The following SYT1 variants were observed in gnomAD, a reference collection of about 807,000 sequenced individuals.
SYT1 encodes the protein synaptotagmin 1, also known as synaptotagmin-1.
A neutral mutation model predicts 44.8 loss-of-function variants in SYT1; 8 were observed. The observed-to-expected ratio is 0.18, with a 90% CI of 0.10 to 0.32. The LOEUF is 0.32. SYT1 is among the 10% of genes least tolerant of loss of function. The pLI is 1.00. For missense variants in SYT1, 286 were observed against 509.3 expected (o/e 0.56, Z 4.22); for synonymous variants, 154 against 188.8 (o/e 0.82, Z 1.51).
chr12:79,081,654 C>T (rs1303285292), intron 3 of SYT1, among the ~76,000 whole-genome samples: 2 of 152,136 alleles, frequency 1.3e-5, no homozygotes, highest in African/African-American at 4.8e-5. Flanking sequence ...GCTGGGCTTA[C>T]GGGTGTGAGC....
chr12:78,987,680 A>T (rs185744160), intron 2 of SYT1, among the ~76,000 whole-genome samples: 1 of 151,958 alleles, frequency 6.6e-6, no homozygotes, highest in Non-Finnish European at 1.5e-5. Flanking sequence ...TACATTAGGG[A>T]TATATAAAAA....
At chr12:79,270,702 G>C (rs1198989262) in intron 4 of SYT1, among the ~76,000 whole-genome samples, 2 of 152,144 alleles carry the variant, frequency 1.3e-5, no homozygotes, top group Non-Finnish European at 2.9e-5. Context: ...ATCTACCAAA[G>C]TTTTCCAGCC....
chr12:79,365,698 A>G (rs1253027085), intron 9 of SYT1, among the ~76,000 whole-genome samples: 2 of 152,140 alleles, frequency 1.3e-5, no homozygotes, highest in Non-Finnish European at 2.9e-5. Flanking sequence ...GCTGAGAAGT[A>G]AAATGTTACA....
intron 3 of SYT1, among the ~76,000 whole-genome samples, chr12:79,077,142 C>G (rs1277229906): frequency 6.6e-6 from 1 of 152,050 alleles, no homozygotes; most frequent in Non-Finnish European, 1.5e-5. Flanking sequence ...GCCCTGAGCT[C>G]TCTTGGATAA....
intron 1 of SYT1, among the ~76,000 whole-genome samples, chr12:78,940,026 A>C (rs1330998780): frequency 5.3e-5 from 8 of 152,196 alleles, no homozygotes; most frequent in Non-Finnish European, 7.3e-5. Context: ...ACTTTAGGAT[A>C]TATACATAAC....
chr12:79,179,289 G>T (rs1449312127), intron 3 of SYT1, among the ~76,000 whole-genome samples: 42 of 114,972 alleles, frequency 3.7e-4, no homozygotes, highest in African/African-American at 1.2e-3. Flanking sequence ...TAGATATATA[G>T]ATACAGATTT....
intron 4 of SYT1, among the ~76,000 whole-genome samples, chr12:79,274,461 T>C (rs1185959605): frequency 6.6e-6 from 1 of 152,158 alleles, no homozygotes; most frequent in African/African-American, 2.4e-5. Flanking sequence ...GCAGACTGTT[T>C]TGTGCAGCAG....
chr12:79,057,814 G>A (rs1243618177), intron 3 of SYT1, among the ~76,000 whole-genome samples: 1 of 151,648 alleles, frequency 6.6e-6, no homozygotes, highest in African/African-American at 2.4e-5. Flanking sequence ...ATTAGACACA[G>A]AAACCAAAAA....
At chr12:79,143,651 T>C (rs1419251780) in intron 3 of SYT1, among the ~76,000 whole-genome samples, 1 of 152,210 alleles carries the variant, frequency 6.6e-6, no homozygotes, top group Non-Finnish European at 1.5e-5. Flanking sequence ...TCAGAACAAG[T>C]AGTCATCCTC....
chr12:79,286,515 G>A (rs1015292118), intron 5 of SYT1, among the ~76,000 whole-genome samples: 1 of 152,234 alleles, frequency 6.6e-6, no homozygotes, highest in East Asian at 1.9e-4. Flanking sequence ...TAAAGAACAC[G>A]ACAGGATAGA....
chr12:79,355,927 G>A (rs896389854), intron 9 of SYT1, among the ~76,000 whole-genome samples: 1 of 152,054 alleles, frequency 6.6e-6, no homozygotes, highest in Non-Finnish European at 1.5e-5. Flanking sequence ...TAGGGAAACA[G>A]AAAAGAAGCC....
chr12:79,178,090 C>A (rs1162092930), intron 3 of SYT1, among the ~76,000 whole-genome samples: 2 of 152,066 alleles, frequency 1.3e-5, no homozygotes, highest in South Asian at 4.1e-4. Context: ...GTTGCCATTG[C>A]TGTAAAAGCA....
At position 79,014,221 on chromosome 12, in the gene SYT1, A is replaced by T. The variant is rs77747522; in HGVS notation, c.-83-33076A>T. Among the ~76,000 whole-genome samples the T allele has an allele frequency of 3.6e-3, 542 of 152,110 alleles. 2 individuals carry two copies. The highest frequency in any genetic ancestry group is 0.013 in the African/African-American group (520 of 41,546). On this transcript the variant is annotated intron_variant, in intron 2 of 10. Transcript: ENST00000261205. Reference sequence around the variant, plus strand: ...AACTTCTAATGAAAAACCAGTTCAAATATTTTCATCAGTAACAAGTCTCAT... The same window carrying T: ...AACTTCTAATGAAAAACCAGTTCAATTATTTTCATCAGTAACAAGTCTCAT...
At chr12:79,348,109 A>T (rs1935146314) in intron 8 of SYT1, among the ~76,000 whole-genome samples, 1 of 152,152 alleles carries the variant, frequency 6.6e-6, no homozygotes, top group African/African-American at 2.4e-5. Context: ...CAGGCCTTTT[A>T]GTGTAAGGAA....
At chr12:78,961,863 T>C (rs1267524495) in intron 1 of SYT1, among the ~76,000 whole-genome samples, 3 of 120,802 alleles carry the variant, frequency 2.5e-5, no homozygotes, top group Non-Finnish European at 6.4e-5. Context: ...GTAGCTGATA[T>C]TATACTTTAG....
chr12:79,226,618 C>G (rs1875535081), intron 4 of SYT1, among the ~76,000 whole-genome samples: 1 of 151,994 alleles, frequency 6.6e-6, no homozygotes. Context: ...AGTAAGGTAA[C>G]TAAAACCTTA....
At chr12:79,294,470 T>G (rs1879783691) in intron 6 of SYT1, among the ~76,000 whole-genome samples, 1 of 152,116 alleles carries the variant, frequency 6.6e-6, no homozygotes, top group African/African-American at 2.4e-5. Context: ...AAGACAACCC[T>G]AAAATATTCT....
intron 1 of SYT1, among the ~76,000 whole-genome samples, chr12:78,957,475 T>C (rs1461044254): frequency 1.3e-5 from 2 of 152,198 alleles, no homozygotes; most frequent in Non-Finnish European, 2.9e-5. Context: ...ACTTACATTA[T>C]TTCAACTAAT....
intron 2 of SYT1, among the ~76,000 whole-genome samples, chr12:79,044,047 GC>G (rs1462903510): frequency 4.3e-4 from 65 of 152,152 alleles, no homozygotes; most frequent in African/African-American, 1.5e-3. Context: ...TTTCTCTCTG[GC>G]TGCCCTTAAC....
Sources: gnomAD v4.1 joint callset for allele counts (sites outside exome capture counted in the v4.1 genomes callset) on GRCh38, gnomAD v4.1.1 for gene constraint, MANE v1.5 for transcripts, NCBI Gene and HGNC (gene_info 2026-07-23, HGNC 2026-07-21) for gene names.